The following ARMCX4 variants were observed in gnomAD, a reference collection of about 807,000 sequenced individuals.
ARMCX4 encodes the protein armadillo repeat-containing X-linked protein 4.
In ARMCX4, 3 loss-of-function variants were observed where a neutral mutation model predicts 34.7. That is an observed-to-expected ratio of 0.09 (90% CI 0.04 to 0.22). The LOEUF is 0.22. Ranked by LOEUF, ARMCX4 falls within the 10% of genes least tolerant of loss-of-function variation. ARMCX4 has a pLI of 1.00. For missense variants in ARMCX4, 1,448 were observed against 1,720.8 expected, an observed-to-expected ratio of 0.84 and a Z score of 2.81; for synonymous variants, 513 against 632.8, an observed-to-expected ratio of 0.81 and a Z score of 2.84.
chrX:101,515,386 T>TTTCTTTCTTTCTTTCTTTCC (rs1934700297), intron 11 of ARMCX4, among the ~76,000 whole-genome samples: 1 of 28,932 alleles, frequency 3.5e-5, no homozygotes, highest in Non-Finnish European at 7.0e-5. Context: ...TTTCTTTTTC[T>TTTCTTTCTTTCTTTCTTTCC]TTCTTTCCCT....
chrX:101,485,434 C>G, upstream of ARMCX4: 2 of 577,883 alleles, frequency 3.5e-6, no homozygotes, highest in Non-Finnish European at 4.2e-6. Context: ...TGCAGAGCTA[C>G]GCAGCCTTCG....
At chrX:101,422,644 G>A (rs1423006754) in intron 2 of ARMCX4, among the ~76,000 whole-genome samples, 4 of 111,348 alleles carry the variant, frequency 3.6e-5, no homozygotes, top group South Asian at 3.8e-4. Flanking sequence ...TAATCTTGTA[G>A]CTAATTTGTT....
rs1556008528 is a variant in ARMCX4, at chrX:101,490,633, C to T, written c.2044C>T (p.Leu682Phe). The change falls in exon 6 of 6, where the codon CTT (leucine) becomes TTT (phenylalanine). Residue 682 changes from leucine to phenylalanine, a missense_variant. Transcript: ENST00000423738. ...GGCCAGTTCCAAGGGTGAGGCCTTG[C>T]TTGATTCTAAGAATAAGGTCAAGGG... ...IMASSKGEAL[L>F]DSKNKVKGNS... 8.6e-7 allele frequency: 1 copy of T among 1,156,347 alleles called. No individual in the cohort carries two copies.
chrX:101,521,280 A>T (rs1451434002), intron 11 of ARMCX4, among the ~76,000 whole-genome samples: 1 of 111,305 alleles, frequency 9.0e-6, no homozygotes, highest in Admixed American at 9.6e-5. Flanking sequence ...TTTCTTCTTT[A>T]GTCAGTTTTG....
In ARMCX4 at chrX:101,493,357, G is replaced by A; in HGVS notation, c.4768G>A (p.Gly1590Arg). 1 of 1,155,595 alleles carries A rather than the reference G, an allele frequency of 8.7e-7. No homozygotes were observed. Among genetic ancestry groups the A allele is most frequent in the South Asian group, 1.9e-5 (1 of 52,700 alleles). ...AIGGGFWPGA[G>R]DQTGGGSRPG... Reference sequence around the variant, plus strand: ...TGGAGGGGGGTTCTGGCCTGGTGCTGGGGACCAGACTGGTGGAGGCTCCAG... The same window carrying A: ...TGGAGGGGGGTTCTGGCCTGGTGCTAGGGACCAGACTGGTGGAGGCTCCAG... The change falls in exon 6 of 6, where the codon GGG becomes AGG. Residue 1590 changes from glycine (G) to arginine (R), a missense_variant. Coordinates refer to ENST00000423738, the MANE Select transcript of ARMCX4 (RefSeq NM_001256155.3).
intron 11 of ARMCX4, among the ~76,000 whole-genome samples, chrX:101,525,472 G>A (rs1934946198): frequency 8.9e-6 from 1 of 111,887 alleles, no homozygotes; most frequent in Admixed American, 9.5e-5. Flanking sequence ...GAATGACTTT[G>A]ACAAGTTGAC....
In ARMCX4 at chrX:101,441,593, C is replaced by A. The variant is rs187861296; in HGVS notation, n.165-2459C>A. 4.8e-3 allele frequency among the ~76,000 whole-genome samples: 522 copies of A among 108,456 alleles called. 2 individuals carry two copies. Among genetic ancestry groups the A allele is most frequent in the African/African-American group, 0.017 (494 of 29,922 alleles). The allele number at this position is 108,456 out of a possible 115,157, so 94.2% of individuals were successfully genotyped here. A position where few individuals can be genotyped will look rare whatever the true frequency, so the allele number is the denominator to read the frequency against. On this transcript the variant is annotated intron_variant and non_coding_transcript_variant, in intron 2 of 3. Coordinates refer to the ARMCX4 transcript ENST00000430461. ...ACACACATGTTAATATACATACATA[C>A]ACACACACACACACACCACCAGTGC... is the stretch of plus-strand genomic sequence containing the variant.
At chrX:101,486,645 T>A (rs1423941348) in intron 2 of ARMCX4, among the ~76,000 whole-genome samples, 1 of 111,458 alleles carries the variant, frequency 9.0e-6, no homozygotes, top group Admixed American at 9.6e-5. Flanking sequence ...ATAATTTGCC[T>A]TGTTGGGCCT....
chrX:101,499,603 A>G (rs1556013000), downstream of ARMCX4, among the ~76,000 whole-genome samples: 3 of 112,064 alleles, frequency 2.7e-5, no homozygotes. Flanking sequence ...TGCCTCTGAA[A>G]CAATAGAGGC....
downstream of ARMCX4, among the ~76,000 whole-genome samples, chrX:101,449,346 C>T (rs782629223): frequency 1.8e-5 from 2 of 112,200 alleles, no homozygotes; most frequent in Non-Finnish European, 3.8e-5. Flanking sequence ...AACAGATTTG[C>T]TCTTTTGAGA....
At chrX:101,468,769 A>T (rs1556002504) in intron 4 of ARMCX4, among the ~76,000 whole-genome samples, 1 of 110,955 alleles carries the variant, frequency 9.0e-6, no homozygotes, top group Non-Finnish European at 1.9e-5. Flanking sequence ...GTCTGCCACC[A>T]TGCCTGGCTA....
intron 4 of ARMCX4, among the ~76,000 whole-genome samples, chrX:101,454,051 G>A (rs1251115429): frequency 3.6e-5 from 4 of 110,936 alleles, no homozygotes; most frequent in Non-Finnish European, 7.5e-5. Context: ...GGGGAAGACT[G>A]ATGAGTAACC....
rs782787558 is a variant in ARMCX4 at position 101,425,416 on chromosome X, G to A, written n.164+6416G>A. Among the ~76,000 whole-genome samples the A allele has an allele frequency of 1.5e-3, 156 of 102,131 alleles. 2 individuals carry two copies. Among genetic ancestry groups the A allele is most frequent in the African/African-American group, 5.5e-3 (146 of 26,660 alleles). The allele number at this position is 102,131 out of a possible 115,157, so 88.7% of individuals were successfully genotyped here. The stretch of plus-strand genomic sequence containing the variant: ...CACTTTTTTTTTTTTTTTTTGAGAC[G>A]GAGTTTCACTCTTGTTGCCCAAGCT... On this transcript the variant is annotated intron_variant and non_coding_transcript_variant, in intron 2 of 3. Coordinates refer to the ARMCX4 transcript ENST00000430461.
At chrX:101,429,466 G>A (rs1555991588) in intron 2 of ARMCX4, among the ~76,000 whole-genome samples, 1 of 107,272 alleles carries the variant, frequency 9.3e-6, no homozygotes, top group East Asian at 3.0e-4. Context: ...CTCCCGAGTA[G>A]CTGGGACTAC....
intron 4 of ARMCX4, among the ~76,000 whole-genome samples, chrX:101,456,850 G>A (rs2147597886): frequency 9.2e-6 from 1 of 108,882 alleles, no homozygotes; most frequent in East Asian, 2.8e-4. Flanking sequence ...GTATTTTATT[G>A]ACTTTTTAAA....
chrX:101,528,946 C>T (rs925585394), intron 11 of ARMCX4, among the ~76,000 whole-genome samples: 1 of 111,594 alleles, frequency 9.0e-6, no homozygotes, highest in Non-Finnish European at 1.9e-5. Flanking sequence ...CCCCATCAAG[C>T]TACCAATGAC....
rs182323454 is a variant in ARMCX4 at position 101,518,173 on chromosome X, G to A, written c.*1780+7118G>A. On this transcript the variant is annotated intron_variant and NMD_transcript_variant, in intron 11 of 12. Coordinates refer to the ARMCX4 transcript ENST00000354842. ...TCTGTACACAACCAATTAATCATTT[G>A]TAGTAGTAATATTCTGTAAAGTTTA... 3.0e-3 allele frequency among the ~76,000 whole-genome samples: 339 copies of A among 111,896 alleles called. 2 individuals are homozygous for A. Among genetic ancestry groups the A allele is most frequent in the Non-Finnish European group, 5.1e-3 (269 of 53,089 alleles).
chrX:101,528,077 A>G (rs782207982), intron 11 of ARMCX4, among the ~76,000 whole-genome samples: 2 of 111,968 alleles, frequency 1.8e-5, no homozygotes, highest in Non-Finnish European at 3.8e-5. Context: ...CCATGCAAAT[A>G]TCCTCAATAA....
intron 2 of ARMCX4, among the ~76,000 whole-genome samples, chrX:101,442,540 T>A (rs1485151335): frequency 8.1e-5 from 9 of 111,575 alleles, no homozygotes; most frequent in African/African-American, 2.9e-4. Flanking sequence ...AAACCCAACA[T>A]CCTTGGTCCT....
Sources: gnomAD v4.1 joint callset for allele counts (sites outside exome capture counted in the v4.1 genomes callset) on GRCh38, gnomAD v4.1.1 for gene constraint, MANE v1.5 for transcripts, NCBI Gene and HGNC (gene_info 2026-07-23, HGNC 2026-07-21) for gene names.